Variants in TMEM132D observed in about 807,000 individuals in gnomAD.
TMEM132D encodes transmembrane protein 132D.
A neutral mutation model predicts 62.3 loss-of-function variants in TMEM132D; 21 were observed. The ratio of observed to expected loss-of-function variants is 0.34; its 90% CI spans 0.24 to 0.49. The LOEUF is 0.49. Among genes scored for constraint, TMEM132D ranks in the 20% least tolerant of loss-of-function variants. The pLI is 0.99. For missense variants in TMEM132D, 1,346 were observed against 1,402.8 expected (o/e 0.96, Z 0.65); for synonymous variants, 621 against 575.6 (o/e 1.08, Z -1.13).
chr12:129,214,308 T>A (rs1879142664), intron 4 of TMEM132D, among the ~76,000 whole-genome samples: 1 of 152,234 alleles, frequency 6.6e-6, no homozygotes, highest in African/African-American at 2.4e-5. Flanking sequence ...CTCATGTTTC[T>A]GGTATCCTGA....
At chr12:129,382,386 C>T (rs1394149902) in intron 3 of TMEM132D, among the ~76,000 whole-genome samples, 1 of 152,180 alleles carries the variant, frequency 6.6e-6, no homozygotes, top group Non-Finnish European at 1.5e-5. Flanking sequence ...CTAGGCAATA[C>T]TTACAGCTTA....
In TMEM132D at chr12:129,364,436, C is replaced by T. The variant is rs188566817; in HGVS notation, c.1116-26619G>A. On this transcript the variant is annotated intron_variant, in intron 3 of 8. Coordinates refer to ENST00000422113, the MANE Select transcript of TMEM132D (RefSeq NM_133448.3). ...TCCTAGCACTCGCAGTGTTGATGAACTGAGATCATTTATGCAAAGTATTTA... is the reference window on the plus strand; with the variant it reads ...TCCTAGCACTCGCAGTGTTGATGAATTGAGATCATTTATGCAAAGTATTTA... 7.9e-5 allele frequency among the ~76,000 whole-genome samples: 12 copies of T among 152,312 alleles called. No individual in the cohort carries two copies. In the East Asian group the frequency reaches 2.1e-3, roughly 27 times the overall value.
intron 2 of TMEM132D, among the ~76,000 whole-genome samples, chr12:129,563,325 G>C (rs893501105): frequency 6.6e-6 from 1 of 152,146 alleles, no homozygotes; most frequent in African/African-American, 2.4e-5. Context: ...AAGGCATACA[G>C]CTTTAGTTTG....
At position 129,163,631 on chromosome 12, in the gene TMEM132D, C is replaced by T. The variant is rs760517456; in HGVS notation, c.1443+45889G>A. Among the ~76,000 whole-genome samples, 146 of 152,220 alleles carry T rather than the reference C, an allele frequency of 9.6e-4. 1 individual carries two copies. Among genetic ancestry groups the T allele is most frequent in the Non-Finnish European group, 1.2e-3 (85 of 68,052 alleles). ...AAAGCTTCCCCTCCCTGGGAGGCTT[C>T]CCTCTCTGCTATTGCTGTATTGGGG... On this transcript the variant is annotated intron_variant, in intron 5 of 8. Coordinates refer to ENST00000422113, the MANE Select transcript of TMEM132D (RefSeq NM_133448.3).
chr12:129,522,950 T>TTA (rs10649673), intron 3 of TMEM132D, among the ~76,000 whole-genome samples: 107,897 of 149,452 alleles, frequency 0.72, 39,168 homozygotes, highest in Admixed American at 0.81. Flanking sequence ...TAGACATAGA[T>TTA]TATATATATA....
chr12:129,646,063 T>C (rs1879770894), intron 2 of TMEM132D, among the ~76,000 whole-genome samples: 1 of 152,212 alleles, frequency 6.6e-6, no homozygotes, highest in Non-Finnish European at 1.5e-5. Context: ...GCCACCCTTT[T>C]ACTCCTTTAC....
intron 3 of TMEM132D, among the ~76,000 whole-genome samples, chr12:129,350,369 T>A (rs1410674499): frequency 6.6e-6 from 1 of 152,188 alleles, no homozygotes; most frequent in African/African-American, 2.4e-5. Context: ...TTTTCCATAG[T>A]ACCCCAACTG....
intron 3 of TMEM132D, among the ~76,000 whole-genome samples, chr12:129,520,851 C>T (rs1469401960): frequency 1.3e-5 from 2 of 152,192 alleles, no homozygotes; most frequent in East Asian, 1.9e-4. Context: ...GCCTGTAGAT[C>T]TGCTATAATA....
chr12:129,809,334 G>T (rs1872095573), intron 1 of TMEM132D, among the ~76,000 whole-genome samples: 4 of 144,560 alleles, frequency 2.8e-5, no homozygotes, highest in African/African-American at 7.6e-5. Context: ...ATTTTTTTTT[G>T]AACGCTCTGA....
chr12:129,168,570 A>G (rs898459264), intron 5 of TMEM132D, among the ~76,000 whole-genome samples: 2 of 152,190 alleles, frequency 1.3e-5, no homozygotes, highest in Admixed American at 1.3e-4. Flanking sequence ...GACGTCCTCA[A>G]GGTCCACCTG....
chr12:129,482,980 T>C (rs2137054668), intron 3 of TMEM132D, among the ~76,000 whole-genome samples: 1 of 147,270 alleles, frequency 6.8e-6, no homozygotes, highest in African/African-American at 2.6e-5. Flanking sequence ...TGTGTGTGTG[T>C]GTGTGTGTGT....
At chr12:129,515,327 C>T (rs1031718621) in intron 3 of TMEM132D, among the ~76,000 whole-genome samples, 1 of 152,100 alleles carries the variant, frequency 6.6e-6, no homozygotes, top group African/African-American at 2.4e-5. Flanking sequence ...CCTTTCCCCA[C>T]ATATTAGTTA....
intron 4 of TMEM132D, among the ~76,000 whole-genome samples, chr12:129,257,152 TC>T (rs1200369793): frequency 6.6e-6 from 1 of 151,498 alleles, no homozygotes; most frequent in Non-Finnish European, 1.5e-5. Context: ...AGTCAATTGA[TC>T]ATGGAAGTGG....
At chr12:129,876,434 T>C (rs1323383198) in intron 1 of TMEM132D, among the ~76,000 whole-genome samples, 1 of 152,224 alleles carries the variant, frequency 6.6e-6, no homozygotes, top group African/African-American at 2.4e-5. Context: ...GGATTATTGG[T>C]TGACTGTGAT....
intron 1 of TMEM132D, among the ~76,000 whole-genome samples, chr12:129,719,669 G>C (rs1868741100): frequency 6.6e-6 from 1 of 152,226 alleles, no homozygotes; most frequent in Admixed American, 6.5e-5. Context: ...CTTTGAAAAT[G>C]AGTCAGTAAA....
chr12:129,591,716 TC>T (rs1878197188), intron 2 of TMEM132D, among the ~76,000 whole-genome samples: 1 of 151,904 alleles, frequency 6.6e-6, no homozygotes, highest in African/African-American at 2.4e-5. Context: ...GAAGCTTTTT[TC>T]CCCCTCTAAT....
intron 4 of TMEM132D, among the ~76,000 whole-genome samples, chr12:129,266,276 C>T (rs565064197): frequency 6.6e-6 from 1 of 152,204 alleles, no homozygotes; most frequent in African/African-American, 2.4e-5. Flanking sequence ...GCCTCCTTGG[C>T]TCGCTCCTCC....
chr12:129,659,370 C>T (rs1213638509), intron 2 of TMEM132D, among the ~76,000 whole-genome samples: 1 of 152,122 alleles, frequency 6.6e-6, no homozygotes, highest in Non-Finnish European at 1.5e-5. Flanking sequence ...GCTGGTTGTT[C>T]GATCAAGCTG....
chr12:129,900,565 C>A (rs1183639335), intron 1 of TMEM132D, among the ~76,000 whole-genome samples: 4 of 152,206 alleles, frequency 2.6e-5, no homozygotes, highest in African/African-American at 7.2e-5. Context: ...GAAGGATGCA[C>A]GTGAGGACTG....
Sources: allele counts gnomAD v4.1 joint callset (sites outside exome capture counted in the v4.1 genomes callset), GRCh38; gene constraint gnomAD v4.1.1; transcripts MANE v1.5; gene names NCBI Gene and HGNC (gene_info 2026-07-23, HGNC 2026-07-21).